SLC16A14: variants seen among roughly 807,000 people sequenced by gnomAD.
SLC16A14 encodes solute carrier family 16 member 14.
SLC16A14 carries 14 observed loss-of-function variants against 35.8 expected under a neutral mutation model. The ratio of observed to expected loss-of-function variants is 0.39; its 90% CI spans 0.26 to 0.61. The LOEUF (loss-of-function observed/expected upper bound fraction) is 0.61. SLC16A14 is among the 20% of genes least tolerant of loss of function. The pLI is 0.51. For synonymous variants in SLC16A14, 248 were observed against 258.9 expected (o/e 0.96, Z 0.40); for missense variants, 533 against 655.0 (o/e 0.81, Z 2.03).
At chr2:230,058,910 G>T in intron 2 of SLC16A14, 184 bp downstream of exon 2, 1 of 786,786 alleles carries the variant, frequency 1.3e-6, no homozygotes. Context: ...TGGGATTACA[G>T]GTGTGAGTCA....
At chr2:230,067,561 T>A (rs1341715601) in intron 1 of SLC16A14, among the ~76,000 whole-genome samples, 3 of 73,076 alleles carry the variant, frequency 4.1e-5, no homozygotes, top group East Asian at 1.6e-3. Context: ...TCTCTCTCTC[T>A]CTCTCTCTCT....
intron 1 of SLC16A14, among the ~76,000 whole-genome samples, chr2:230,062,394 G>A (rs538523204): frequency 3.0e-4 from 45 of 149,276 alleles, no homozygotes; most frequent in African/African-American, 1.1e-3. Flanking sequence ...TGTCACCCAG[G>A]CTGGAGTGCA....
intron 2 of SLC16A14, among the ~76,000 whole-genome samples, chr2:230,056,252 G>GTTTTT (rs5839355): frequency 9.1e-6 from 1 of 110,022 alleles, no homozygotes; most frequent in Non-Finnish European, 1.8e-5. Flanking sequence ...TAATATTGGT[G>GTTTTT]TTTTTTTTTT....
At chr2:230,052,226 C>T (rs917883068) in intron 2 of SLC16A14, among the ~76,000 whole-genome samples, 7 of 152,048 alleles carry the variant, frequency 4.6e-5, no homozygotes, top group East Asian at 1.9e-4. Flanking sequence ...TGAGCCACCG[C>T]GCCCGGCCTA....
chr2:230,049,750 C>T lies in SLC16A14; in HGVS notation c.403+11G>A, dbSNP rs373823065. ...ATTTAAAATCGAGTTTAAAAAAAGC[C>T]ACATGCTTACCAGCTGCGACTCCAA... On this transcript the variant is annotated intron_variant, in intron 3 of 4. Transcript: ENST00000295190. 11 of 1,610,646 alleles carry T rather than the reference C, an allele frequency of 6.8e-6. No individual in the cohort carries two copies. In the East Asian group the frequency reaches 2.2e-4, roughly 33 times the overall value.
Position 230,066,638 on chromosome 2 carries a change from A to ACT in SLC16A14, c.-15+1916_-15+1917insAG, listed in dbSNP as rs2077797401. 5 of 378,104 alleles carry ACT rather than the reference A, an allele frequency of 1.3e-5. No individual in the cohort carries two copies. In the Admixed American group the frequency reaches 1.7e-4, roughly 13 times the overall value. The allele number at this position is 378,104 out of a possible 1,614,324, so 23.4% of individuals were successfully genotyped here. A position where few individuals can be genotyped will look rare whatever the true frequency, so the allele number is the denominator to read the frequency against. On this transcript the variant is annotated intron_variant, in intron 1 of 4. Coordinates refer to ENST00000295190, the MANE Select transcript of SLC16A14 (RefSeq NM_152527.5). ...GCGTAGAAAGTTTTACAAGCAAGTC[A>ACT]TTTTTTTTTTTTTTTTGACAGAGTA...
chr2:230,056,879 T>TAAAAA (rs60620443), intron 2 of SLC16A14, among the ~76,000 whole-genome samples: 3 of 95,496 alleles, frequency 3.1e-5, no homozygotes, highest in East Asian at 3.5e-4. Context: ...CTACAAAAAG[T>TAAAAA]AAAAAAAAAA....
intron 4 of SLC16A14, among the ~76,000 whole-genome samples, chr2:230,039,725 C>A (rs750283475): frequency 1.3e-5 from 2 of 152,088 alleles, no homozygotes; most frequent in African/African-American, 2.4e-5. Context: ...TGGCTAAATC[C>A]CCGCTGTCCA....
At chr2:230,067,554 CT>C (rs774900857) in intron 1 of SLC16A14, among the ~76,000 whole-genome samples, 30,191 of 148,226 alleles carry the variant, frequency 0.2, 3,849 homozygotes, top group Non-Finnish European at 0.26. Context: ...CTCTCTCTCT[CT>C]CTCTCTCTCT....
rs539271021 is a variant in SLC16A14 at position 230,045,102 on chromosome 2, A to G, written c.1381+643T>C. On this transcript the variant is annotated intron_variant, in intron 4 of 4. Transcript: ENST00000295190. ...ACAATTCTCAGTATTTCTTGGTGAC[A>G]AAAATCAGCTGGAACTGCCCAGAGG... Among the ~76,000 whole-genome samples the G allele has an allele frequency of 9.8e-5, 15 of 152,322 alleles. No individual in the cohort carries two copies. The South Asian group carries it at 3.1e-3, about 32-fold the overall frequency.
chr2:230,061,118 A>G (rs189120950), intron 1 of SLC16A14, among the ~76,000 whole-genome samples: 4 of 152,316 alleles, frequency 2.6e-5, no homozygotes, highest in Admixed American at 2.6e-4. Flanking sequence ...AGAGCCAGGG[A>G]GCACTCTGCC....
chr2:230,044,688 GATA>G (rs2077587097), intron 4 of SLC16A14, among the ~76,000 whole-genome samples: 1 of 150,454 alleles, frequency 6.6e-6, no homozygotes, highest in Non-Finnish European at 1.5e-5. Context: ...AGAACAGTAA[GATA>G]ATAAGTCTGT....
chr2:230,044,311 T>TAA (rs372578960), intron 4 of SLC16A14, among the ~76,000 whole-genome samples: 25 of 134,318 alleles, frequency 1.9e-4, no homozygotes, highest in Non-Finnish European at 3.1e-4. Context: ...CGTCTCTACT[T>TAA]AAAAAAAAAA....
At chr2:230,041,443 G>A (rs2077559535) in intron 4 of SLC16A14, among the ~76,000 whole-genome samples, 1 of 152,116 alleles carries the variant, frequency 6.6e-6, no homozygotes, top group Admixed American at 6.5e-5. Context: ...CGTCTCCCGG[G>A]TTCAAGCAAT....
Position 230,037,298 on chromosome 2 carries a change from G to T in SLC16A14, c.*82C>A, listed in dbSNP as rs1307745418. ...GTTACCGTACAAAATGCTTTCCCAC[G>T]TCCTGTCATAGGTGCCTCACAGCAA... On this transcript the variant is annotated 3_prime_UTR_variant, in exon 5 of 5. Transcript: ENST00000295190. 1 of 1,347,230 alleles carries T rather than the reference G, an allele frequency of 7.4e-7. No homozygotes were observed. Among genetic ancestry groups the T allele is most frequent in the African/African-American group, 1.5e-5 (1 of 67,464 alleles). 83.5% of individuals were successfully genotyped at this position (1,347,230 alleles called of 1,614,324 possible). A position where few individuals can be genotyped will look rare whatever the true frequency, so the allele number is the denominator to read the frequency against.
chr2:230,043,567 G>C (rs796318329), intron 4 of SLC16A14, among the ~76,000 whole-genome samples: 1 of 152,224 alleles, frequency 6.6e-6, no homozygotes, highest in Non-Finnish European at 1.5e-5. Flanking sequence ...GTGCTTGGGG[G>C]TGGCTGGGGA....
chr2:230,052,992 A>G (rs2077675028), intron 2 of SLC16A14, among the ~76,000 whole-genome samples: 1 of 150,514 alleles, frequency 6.6e-6, no homozygotes, highest in East Asian at 2.0e-4. Context: ...CCCAGGCTGG[A>G]GTGCAGTGGT....
At chr2:230,040,214 C>T (rs1264449794) in intron 4 of SLC16A14, among the ~76,000 whole-genome samples, 1 of 150,420 alleles carries the variant, frequency 6.6e-6, no homozygotes, top group African/African-American at 2.4e-5. Context: ...AAATTGAATT[C>T]ATTATTATTA....
At chr2:230,039,762 T>C (rs932709394) in intron 4 of SLC16A14, among the ~76,000 whole-genome samples, 1 of 152,178 alleles carries the variant, frequency 6.6e-6, no homozygotes, top group Non-Finnish European at 1.5e-5. Context: ...AGAGCAGAAA[T>C]GATGGCTGTA....
Sources: gnomAD v4.1 joint callset for allele counts (sites outside exome capture counted in the v4.1 genomes callset) on GRCh38, gnomAD v4.1.1 for gene constraint, MANE v1.5 for transcripts, NCBI Gene and HGNC (gene_info 2026-07-23, HGNC 2026-07-21) for gene names.